TBC1D22B: variants seen among roughly 807,000 people sequenced by gnomAD.
TBC1D22B encodes TBC1 domain family member 22B, also known as chromosome 6 open reading frame 197.
Under a neutral mutation model 69.1 loss-of-function variants are expected in TBC1D22B, and 32 were observed. The ratio of observed to expected loss-of-function variants is 0.46; its 90% confidence interval spans 0.35 to 0.62. The LOEUF (loss-of-function observed/expected upper bound fraction) is 0.62, where lower values mean the gene tolerates loss of function less well. Among genes scored for constraint, TBC1D22B ranks in the 20% least tolerant of loss-of-function variants. The pLI is 0.00. For synonymous variants in TBC1D22B, 206 were observed against 229.8 expected (o/e 0.90, Z 0.94); for missense variants, 462 against 630.9 (o/e 0.73, Z 2.87).
intron 8 of TBC1D22B, among the ~76,000 whole-genome samples, chr6:37,294,363 G>C (rs1767288519): frequency 6.6e-6 from 1 of 152,088 alleles, no homozygotes; most frequent in African/African-American, 2.4e-5. Context: ...GTAGAGAGGG[G>C]GGTCTTGGTA....
rs1339738701 is a variant in TBC1D22B at position 37,315,727 on chromosome 6, C to T, written c.1166-976C>T. On this transcript the variant is annotated intron_variant, in intron 10 of 12. Transcript: ENST00000373491. ...AGTTGCTGGAATTATAGGTGCGCACCATGACGCCTGGCCAATTTTTGTATT... is the reference window on the plus strand; with the variant it reads ...AGTTGCTGGAATTATAGGTGCGCACTATGACGCCTGGCCAATTTTTGTATT... 2.6e-5 allele frequency among the ~76,000 whole-genome samples: 4 copies of T among 152,068 alleles called. No individual in the cohort carries two copies. The East Asian group carries it at 5.8e-4, about 22-fold the overall frequency.
intron 8 of TBC1D22B, among the ~76,000 whole-genome samples, chr6:37,307,394 C>T (rs779444577): frequency 2.8e-5 from 4 of 144,408 alleles, no homozygotes; most frequent in Non-Finnish European, 4.5e-5. Flanking sequence ...CTCGCTCTGT[C>T]GCCCAGGCTG....
At chr6:37,285,284 C>CTGAAGGCCA in intron 6 of TBC1D22B, among the ~76,000 whole-genome samples, 1 of 142,978 alleles carries the variant, frequency 7.0e-6, no homozygotes, top group South Asian at 2.3e-4. Flanking sequence ...GCTTCAGTTA[C>CTGAAGGCCA]TGAAGGCCAA....
chr6:37,301,675 C>T (rs908729156), intron 8 of TBC1D22B, among the ~76,000 whole-genome samples: 4 of 152,224 alleles, frequency 2.6e-5, no homozygotes, highest in African/African-American at 9.6e-5. Context: ...ATACAGACTT[C>T]TCCCCACCCT....
rs764229634 is a variant in TBC1D22B, at chr6:37,321,000, G to A, written c.1389+3794G>A. Among the ~76,000 whole-genome samples the A allele has an allele frequency of 2.2e-4, 34 of 152,208 alleles. 1 individual carries two copies. The highest frequency in any genetic ancestry group is 6.5e-5 in the Admixed American group (1 of 15,288). Reference sequence around the variant, plus strand: ...AATAATATGTTAGGTTGAATCATATGCAGTTGTTTTTGTAGATTAAAATGG... The same window carrying A: ...AATAATATGTTAGGTTGAATCATATACAGTTGTTTTTGTAGATTAAAATGG... On this transcript the variant is annotated intron_variant, in intron 12 of 12. Coordinates refer to ENST00000373491, the MANE Select transcript of TBC1D22B (RefSeq NM_017772.4).
chr6:37,268,736 A>G lies in TBC1D22B; in HGVS notation c.57-858A>G, dbSNP rs139812942. 3.4e-3 allele frequency among the ~76,000 whole-genome samples: 519 copies of G among 152,294 alleles called. 3 individuals are homozygous for G. Among genetic ancestry groups the G allele is most frequent in the Middle Eastern group, 0.027 (8 of 294 alleles). On this transcript the variant is annotated intron_variant, in intron 1 of 12. Transcript: ENST00000373491. Reference sequence around the variant, plus strand: ...ATAATATTACTCTGCATGCATTCCTAAACAGTAGAAACTACTTTTGTCAGT... The same window carrying G: ...ATAATATTACTCTGCATGCATTCCTGAACAGTAGAAACTACTTTTGTCAGT...
intron 1 of TBC1D22B, 43 bp from the exon 2 acceptor site, chr6:37,269,551 C>T: frequency 1.3e-6 from 2 of 1,586,894 alleles, no homozygotes; most frequent in Non-Finnish European, 1.7e-6. Flanking sequence ...TATTTAGTTT[C>T]CTAACTAAAC....
intron 8 of TBC1D22B, among the ~76,000 whole-genome samples, chr6:37,310,590 C>A (rs1035448848): frequency 1.3e-5 from 2 of 152,260 alleles, no homozygotes; most frequent in African/African-American, 4.8e-5. Context: ...ATTGCTTGAA[C>A]CTGGAAGGTA....
At chr6:37,267,061 C>A (rs1245703691) in intron 1 of TBC1D22B, among the ~76,000 whole-genome samples, 1 of 148,838 alleles carries the variant, frequency 6.7e-6, no homozygotes, top group Non-Finnish European at 1.5e-5. Context: ...CTCAGCCTCC[C>A]AAGTAGCTAG....
chr6:37,277,108 C>G (rs903455359), intron 2 of TBC1D22B, among the ~76,000 whole-genome samples: 7 of 152,106 alleles, frequency 4.6e-5, no homozygotes, highest in East Asian at 3.8e-4. Context: ...GTGTGTCACC[C>G]TGTGTTAGGC....
rs554001111 is a variant in TBC1D22B at position 37,316,572 on chromosome 6, C to G, written c.1166-131C>G. On this transcript the variant is annotated intron_variant, in intron 10 of 12. Transcript: ENST00000373491. Reference sequence around the variant, plus strand: ...TCAAACATAAAGGACAGTCAGATGGCTGTCTGCCTCCTCTGTGTCTGCTTA... The same window carrying G: ...TCAAACATAAAGGACAGTCAGATGGGTGTCTGCCTCCTCTGTGTCTGCTTA... The G allele has an allele frequency of 1.5e-4, 143 of 958,048 alleles. 1 individual carries two copies. In the African/African-American group the frequency reaches 2.1e-3, roughly 14 times the overall value. 59.3% of individuals were successfully genotyped at this position (958,048 alleles called of 1,614,324 possible). A position where few individuals can be genotyped will look rare whatever the true frequency, so the allele number is the denominator to read the frequency against.
At chr6:37,320,751 G>C (rs1357827321) in intron 12 of TBC1D22B, among the ~76,000 whole-genome samples, 3 of 152,188 alleles carry the variant, frequency 2.0e-5, no homozygotes, top group Non-Finnish European at 4.4e-5. Flanking sequence ...ACCAAAAACT[G>C]ACAAAGGAGA....
At chr6:37,317,007 A>G (rs1025189491) in intron 11 of TBC1D22B, 104 bp from the exon 12 acceptor site, 32 of 1,454,030 alleles carry the variant, frequency 2.2e-5, no homozygotes, top group African/African-American at 1.1e-4. Flanking sequence ...CATCTCCCCA[A>G]CCGTGAAAGA....
At chr6:37,293,433 G>A (rs1370459921) in intron 8 of TBC1D22B, among the ~76,000 whole-genome samples, 2 of 152,064 alleles carry the variant, frequency 1.3e-5, no homozygotes, top group African/African-American at 2.4e-5. Context: ...AAACTTTGAT[G>A]TTACTATTGT....
At chr6:37,322,445 A>G (rs952662771) in intron 12 of TBC1D22B, among the ~76,000 whole-genome samples, 2 of 152,164 alleles carry the variant, frequency 1.3e-5, no homozygotes, top group Non-Finnish European at 2.9e-5. Context: ...TGAACCTGGG[A>G]GGCGGAGATT....
At chr6:37,290,978 T>C (rs1767160460) in intron 7 of TBC1D22B, among the ~76,000 whole-genome samples, 1 of 152,240 alleles carries the variant, frequency 6.6e-6, no homozygotes, top group African/African-American at 2.4e-5. Context: ...TTGGGTTTGC[T>C]GTTCTTTCCT....
intron 12 of TBC1D22B, among the ~76,000 whole-genome samples, chr6:37,320,949 A>C (rs966688450): frequency 6.6e-6 from 1 of 152,236 alleles, no homozygotes; most frequent in Non-Finnish European, 1.5e-5. Flanking sequence ...TCCTGCCCTC[A>C]GCCTGGGCTA....
chr6:37,318,309 A>T (rs1293477503), intron 12 of TBC1D22B, among the ~76,000 whole-genome samples: 2 of 152,172 alleles, frequency 1.3e-5, no homozygotes, highest in East Asian at 3.8e-4. Context: ...GAAAGGGGTG[A>T]GTCTGGATGG....
intron 6 of TBC1D22B, among the ~76,000 whole-genome samples, chr6:37,286,464 C>T (rs188937454): frequency 0.012 from 1,822 of 151,738 alleles, 31 homozygotes; most frequent in Middle Eastern, 0.044. Context: ...TACAGGCACC[C>T]GCCACCACGC....
Sources: gnomAD v4.1 joint callset for allele counts (sites outside exome capture counted in the v4.1 genomes callset) on GRCh38, gnomAD v4.1.1 for gene constraint, MANE v1.5 for transcripts, NCBI Gene and HGNC (gene_info 2026-07-23, HGNC 2026-07-21) for gene names.